The following RALGAPA2 variants were observed in gnomAD, a reference collection of about 807,000 sequenced individuals.
RALGAPA2 encodes the protein Ral GTPase activating protein catalytic subunit alpha 2.
Under a neutral mutation model 230.4 loss-of-function variants are expected in RALGAPA2, and 139 were observed. The ratio of observed to expected loss-of-function variants is 0.60; its 90% CI spans 0.53 to 0.69. RALGAPA2 has a LOEUF of 0.69. RALGAPA2 is among the 30% of genes least tolerant of loss of function. The pLI is 0.00. For synonymous variants in RALGAPA2, 847 were observed against 837.8 expected (o/e 1.01, Z -0.19); for missense variants, 2,163 against 2,276.0 (o/e 0.95, Z 1.01).
chr20:20,571,707 T>C (rs1195049426), intron 22 of RALGAPA2, 94 bp from the exon 23 acceptor site: 9 of 1,495,638 alleles, frequency 6.0e-6, no homozygotes, highest in Non-Finnish European at 8.2e-6. Flanking sequence ...AAGAGTTGTT[T>C]ATGGACATGT....
At chr20:20,687,854 G>A (rs2068761726) in intron 1 of RALGAPA2, among the ~76,000 whole-genome samples, 1 of 152,076 alleles carries the variant, frequency 6.6e-6, no homozygotes, top group South Asian at 2.1e-4. Flanking sequence ...GGAAAAGCAG[G>A]AAAAATGAAT....
Position 20,472,930 on chromosome 20 carries a change from AT to A in RALGAPA2, c.5393del (p.Asp1798ValfsTer4), listed in dbSNP as rs756576859. ...PEVPFFGPLFDGAIVSGKLLP... is the reference protein window; with the variant it reads ...PEVPFFGPLFXGAIVSGKLLP... ...GCAGCTTCCCACTCACTATGGCTCC[AT>A]CAAACAGAGGCCCAAAAAATGGAAC... is the stretch of plus-strand genomic sequence containing the variant. On this transcript the variant is annotated frameshift_variant, in exon 37 of 40. Coordinates refer to ENST00000202677, the MANE Select transcript of RALGAPA2 (RefSeq NM_020343.4). LOFTEE classifies it high-confidence loss of function. The A allele has an allele frequency of 6.2e-7, 1 of 1,605,244 alleles. No homozygotes were observed. The highest frequency in any genetic ancestry group is 1.1e-5 in the South Asian group (1 of 89,032).
chr20:20,611,966 T>G (rs2065989810), intron 13 of RALGAPA2, among the ~76,000 whole-genome samples: 1 of 152,170 alleles, frequency 6.6e-6, no homozygotes, highest in Non-Finnish European at 1.5e-5. Context: ...ACAGGCACAG[T>G]GCTCATGTCT....
At chr20:20,463,019 G>T (rs2061337952) in intron 37 of RALGAPA2, among the ~76,000 whole-genome samples, 1 of 152,148 alleles carries the variant, frequency 6.6e-6, no homozygotes, top group Non-Finnish European at 1.5e-5. Flanking sequence ...AAGAGGTTCT[G>T]ATGTCTCACT....
intron 1 of RALGAPA2, among the ~76,000 whole-genome samples, chr20:20,692,254 CA>C (rs1206468074): frequency 2.6e-5 from 4 of 152,232 alleles, no homozygotes; most frequent in African/African-American, 9.6e-5. Flanking sequence ...CATACAATTA[CA>C]GCCATGTTGT....
At chr20:20,523,873 T>C (rs544150191) in intron 30 of RALGAPA2, among the ~76,000 whole-genome samples, 41 of 152,346 alleles carry the variant, frequency 2.7e-4, no homozygotes, top group African/African-American at 9.6e-4. Flanking sequence ...AGATTAAAGA[T>C]GATAGTCATG....
At chr20:20,449,050 T>C (rs905386161) in intron 37 of RALGAPA2, among the ~76,000 whole-genome samples, 23 of 152,304 alleles carry the variant, frequency 1.5e-4, no homozygotes, top group African/African-American at 5.5e-4. Context: ...AAAAACACAT[T>C]ATGAAGTTCA....
At position 20,567,842 on chromosome 20, in the gene RALGAPA2, T is replaced by TA. The variant is rs376437629; in HGVS notation, c.3156+3615dup. Among the ~76,000 whole-genome samples, 1,014 of 118,408 alleles carry TA rather than the reference T, an allele frequency of 8.6e-3. 16 individuals are homozygous for TA. The highest frequency in any genetic ancestry group is 0.029 in the African/African-American group (918 of 31,676). 77.7% of individuals were successfully genotyped at this position (118,408 alleles called of 152,430 possible). The stretch of plus-strand genomic sequence containing the variant: ...GGGCAATGGAGCGATACCCCATCTC[T>TA]AAAAAAAAAAGCAATAATAAAATAA... On this transcript the variant is annotated intron_variant, in intron 23 of 39. Transcript: ENST00000202677.
At chr20:20,579,651 G>T (rs1370575102) in intron 20 of RALGAPA2, among the ~76,000 whole-genome samples, 2 of 151,988 alleles carry the variant, frequency 1.3e-5, no homozygotes, top group African/African-American at 4.8e-5. Flanking sequence ...AAAAATCATA[G>T]AACCTTTTAA....
At chr20:20,531,486 C>T (rs1025864565) in intron 27 of RALGAPA2, among the ~76,000 whole-genome samples, 4 of 152,220 alleles carry the variant, frequency 2.6e-5, no homozygotes, top group Non-Finnish European at 5.9e-5. Flanking sequence ...CAGGAAGACT[C>T]GAGACACTCG....
Position 20,458,485 on chromosome 20 carries a change from G to A in RALGAPA2, c.5495+14344C>T, listed in dbSNP as rs1479241403. Among the ~76,000 whole-genome samples, 958 of 127,616 alleles carry A rather than the reference G, an allele frequency of 7.5e-3. 20 individuals are homozygous for A. Among genetic ancestry groups the A allele is most frequent in the South Asian group, 0.01 (42 of 4,138 alleles). 83.7% of individuals were successfully genotyped at this position (127,616 alleles called of 152,430 possible). ...ATTTTATATAATATATAATATATAT[G>A]TATTTTATATATATTATATATAATA... On this transcript the variant is annotated intron_variant, in intron 37 of 39. Transcript: ENST00000202677.
intron 16 of RALGAPA2, among the ~76,000 whole-genome samples, chr20:20,593,621 C>A (rs2065361391): frequency 6.6e-6 from 1 of 152,232 alleles, no homozygotes; most frequent in African/African-American, 2.4e-5. Context: ...AGCCCAAGAG[C>A]TTCCTAACTT....
chr20:20,512,050 T>C (rs2062720391), intron 32 of RALGAPA2, among the ~76,000 whole-genome samples: 1 of 151,958 alleles, frequency 6.6e-6, no homozygotes, highest in Non-Finnish European at 1.5e-5. Flanking sequence ...AAGCCGGGCA[T>C]GGTGGCAGGT....
At chr20:20,516,670 T>TA (rs2062881055) in intron 31 of RALGAPA2, among the ~76,000 whole-genome samples, 2 of 152,304 alleles carry the variant, frequency 1.3e-5, no homozygotes, top group South Asian at 2.1e-4. Context: ...CTGGTGCTGG[T>TA]ACCCACTGCT....
intron 8 of RALGAPA2, among the ~76,000 whole-genome samples, chr20:20,636,539 CGTGTGTGTGTGTGTGTGTATGTGTGTGT>C (rs2066864042): frequency 6.7e-6 from 1 of 149,890 alleles, no homozygotes; most frequent in Non-Finnish European, 1.5e-5. Context: ...CTTCTCTCCC[CGTGTGTGTGTGTGTGTGTATGTGTGTGT>C]GTGTGTGTGT....
chr20:20,401,367 A>G (rs1184176378), intron 38 of RALGAPA2, among the ~76,000 whole-genome samples: 2 of 152,198 alleles, frequency 1.3e-5, no homozygotes, highest in Non-Finnish European at 2.9e-5. Flanking sequence ...TGTAGATGCC[A>G]CCAGCACCTC....
At chr20:20,448,387 A>C (rs927376796) in intron 37 of RALGAPA2, among the ~76,000 whole-genome samples, 5 of 152,218 alleles carry the variant, frequency 3.3e-5, no homozygotes, top group African/African-American at 1.2e-4. Flanking sequence ...GGTCTTAGTT[A>C]ATAGATGTGT....
intron 4 of RALGAPA2, among the ~76,000 whole-genome samples, chr20:20,648,030 T>A (rs560667495): frequency 2.4e-4 from 37 of 152,250 alleles, no homozygotes; most frequent in African/African-American, 8.4e-4. Flanking sequence ...AAGACGAGCA[T>A]AAATGTTTAT....
intron 38 of RALGAPA2, among the ~76,000 whole-genome samples, chr20:20,400,521 T>C (rs1376530301): frequency 6.6e-6 from 1 of 152,244 alleles, no homozygotes; most frequent in Non-Finnish European, 1.5e-5. Context: ...AATGTACTTG[T>C]GTGTGGCTCT....
Sources: gnomAD v4.1 joint callset for allele counts (sites outside exome capture counted in the v4.1 genomes callset) on GRCh38, gnomAD v4.1.1 for gene constraint, MANE v1.5 for transcripts, NCBI Gene and HGNC (gene_info 2026-07-23, HGNC 2026-07-21) for gene names.